STK31: variants seen among roughly 807,000 people sequenced by gnomAD.
STK31 encodes the protein serine/threonine kinase 31, also known as serine/threonine-protein kinase 31.
A neutral mutation model predicts 129.7 loss-of-function variants in STK31; 89 were observed. That is an observed-to-expected ratio of 0.69 (90% CI 0.58 to 0.82). The LOEUF is 0.82. STK31 is among the 40% of genes least tolerant of loss of function. The pLI is 0.00. For missense variants in STK31, 1,187 were observed against 1,176.4 expected, an observed-to-expected ratio of 1.01 and a Z score of -0.13; for synonymous variants, 448 against 395.3, an observed-to-expected ratio of 1.13 and a Z score of -1.58.
intron 20 of STK31, among the ~76,000 whole-genome samples, chr7:23,787,664 C>T (rs1791366230): frequency 6.6e-6 from 1 of 151,636 alleles, no homozygotes; most frequent in Admixed American, 6.6e-5. Flanking sequence ...ACAGTTTGAT[C>T]CTGAAACCAA....
chr7:23,812,473 T>A (rs1223772845), intron 22 of STK31, among the ~76,000 whole-genome samples: 1 of 151,486 alleles, frequency 6.6e-6, no homozygotes, highest in East Asian at 1.9e-4. Flanking sequence ...TCTTTAATCT[T>A]CTTCAAAATT....
chr7:23,730,827 T>G (rs1048362649), intron 6 of STK31, among the ~76,000 whole-genome samples: 2 of 143,822 alleles, frequency 1.4e-5, no homozygotes, highest in Admixed American at 7.1e-5. Context: ...TTTCAAAGAT[T>G]CTTTATATAT....
intron 23 of STK31, among the ~76,000 whole-genome samples, chr7:23,815,864 G>A (rs1471370996): frequency 6.8e-6 from 1 of 147,196 alleles, no homozygotes; most frequent in East Asian, 2.0e-4. Context: ...GTTCTGCAAA[G>A]AAAGGGGGAA....
rs998749484 is a variant in STK31 at position 23,799,319 on chromosome 7, C to T, written c.2760+8373C>T. On this transcript the variant is annotated intron_variant, in intron 22 of 23. Transcript: ENST00000355870. ...GCAGAAAGAACAAAGCTGGAGGCAT[C>T]ATGCTACCTGACTTCAAACTATAGT... Among the ~76,000 whole-genome samples the T allele has an allele frequency of 5.3e-5, 8 of 152,176 alleles. No homozygotes were observed. In the South Asian group the frequency reaches 6.2e-4, roughly 12 times the overall value.
chr7:23,768,235 A>C (rs1204198413), intron 11 of STK31, among the ~76,000 whole-genome samples: 2 of 152,188 alleles, frequency 1.3e-5, no homozygotes. Context: ...ATTATTCAGC[A>C]CAGTAACATG....
chr7:23,743,477 A>G (rs139038809), intron 8 of STK31, among the ~76,000 whole-genome samples: 6 of 152,274 alleles, frequency 3.9e-5, no homozygotes, highest in East Asian at 3.9e-4. Flanking sequence ...TCTCTCCTGT[A>G]AGGATTTTAC....
intron 22 of STK31, among the ~76,000 whole-genome samples, chr7:23,810,940 TAC>T (rs142209476): frequency 5.2e-4 from 73 of 140,288 alleles, no homozygotes; most frequent in East Asian, 1.4e-3. Flanking sequence ...TGTGTGTATA[TAC>T]ACACACACAC....
intron 23 of STK31, among the ~76,000 whole-genome samples, chr7:23,825,187 T>G (rs148673456): frequency 0.16 from 24,923 of 152,188 alleles, 2,065 homozygotes; most frequent in East Asian, 0.22. Context: ...CAGCTCCTCC[T>G]TTTACCTCTG....
intron 22 of STK31, among the ~76,000 whole-genome samples, chr7:23,798,050 C>G (rs145087579): frequency 0.017 from 2,620 of 152,114 alleles, 83 homozygotes; most frequent in African/African-American, 0.06. Context: ...ACTAAATCAG[C>G]AAGAAGTCGA....
intron 23 of STK31, among the ~76,000 whole-genome samples, chr7:23,823,760 G>A (rs1793933923): frequency 6.6e-6 from 1 of 152,146 alleles, no homozygotes; most frequent in Non-Finnish European, 1.5e-5. Context: ...AATCCATCTT[G>A]AATTAATTTT....
chr7:23,776,474 T>G (rs1790551540), intron 15 of STK31, among the ~76,000 whole-genome samples: 1 of 152,190 alleles, frequency 6.6e-6, no homozygotes, highest in African/African-American at 2.4e-5. Flanking sequence ...CTTTTTTTGG[T>G]TGGTAGGCTA....
intron 22 of STK31, among the ~76,000 whole-genome samples, chr7:23,813,762 T>TTGAGCTGGGTGCTCAAGCTTC (rs1793298461): frequency 6.6e-6 from 1 of 152,166 alleles, no homozygotes; most frequent in African/African-American, 2.4e-5. Context: ...ATGAAGCTTC[T>TTGAGCTGGGTGCTCAAGCTTC]TGAGCTGGGT....
intron 3 of STK31, among the ~76,000 whole-genome samples, chr7:23,716,369 C>G (rs1786323205): frequency 6.6e-6 from 1 of 152,094 alleles, no homozygotes; most frequent in Non-Finnish European, 1.5e-5. Flanking sequence ...AACCTTGATT[C>G]ACTTGGGTAA....
At chr7:23,774,170 C>G (rs946522591) in intron 15 of STK31, among the ~76,000 whole-genome samples, 25 of 152,076 alleles carry the variant, frequency 1.6e-4, no homozygotes, top group African/African-American at 4.1e-4. Context: ...TATTCTTAAT[C>G]CAGTCTATTA....
At chr7:23,727,577 T>C (rs1787162780) in intron 5 of STK31, 3 of 340,226 alleles carry the variant, frequency 8.8e-6, no homozygotes, top group African/African-American at 2.3e-5. Flanking sequence ...TTTTTTTTTT[T>C]TTTGAGATGG....
intron 8 of STK31, among the ~76,000 whole-genome samples, chr7:23,745,539 G>GT (rs538960718): frequency 3.9e-5 from 6 of 152,238 alleles, no homozygotes; most frequent in African/African-American, 1.4e-4. Context: ...AGGTGGGAAA[G>GT]TTTGTCCTTT....
intron 16 of STK31, among the ~76,000 whole-genome samples, chr7:23,782,471 CAAAAA>C (rs66962254): frequency 2.9e-3 from 244 of 84,530 alleles, no homozygotes; most frequent in Non-Finnish European, 4.3e-3. Flanking sequence ...GACCCTGTCT[CAAAAA>C]AAAAAAAAAA....
chr7:23,805,847 TG>T (rs2128122845), intron 22 of STK31, among the ~76,000 whole-genome samples: 1 of 152,322 alleles, frequency 6.6e-6, no homozygotes, highest in Admixed American at 6.5e-5. Context: ...CATCCTCCCT[TG>T]GTGAGAGCAC....
At chr7:23,732,271 A>G (rs910144639) in intron 6 of STK31, among the ~76,000 whole-genome samples, 1 of 152,318 alleles carries the variant, frequency 6.6e-6, no homozygotes, top group African/African-American at 2.4e-5. Context: ...TCTGAAAAAA[A>G]AAAGATAAAA....
Sources: gnomAD v4.1 joint callset for allele counts (sites outside exome capture counted in the v4.1 genomes callset) on GRCh38, gnomAD v4.1.1 for gene constraint, MANE v1.5 for transcripts, NCBI Gene and HGNC (gene_info 2026-07-23, HGNC 2026-07-21) for gene names.